The following AGAP1 variants were observed in gnomAD, a reference collection of about 807,000 sequenced individuals.
The protein encoded by AGAP1 is ArfGAP with GTPase domain, ankyrin repeat and PH domain 1.
AGAP1 carries 29 observed loss-of-function variants against 105.3 expected under a neutral mutation model. The observed-to-expected ratio is 0.28, with a 90% CI of 0.21 to 0.38. The LOEUF (loss-of-function observed/expected upper bound fraction) is 0.38, where lower values mean the gene tolerates loss of function less well. Among genes scored for constraint, AGAP1 ranks in the 10% least tolerant of loss-of-function variants. AGAP1 has a pLI of 1.00. For missense variants in AGAP1, 998 were observed against 1,165.1 expected, an observed-to-expected ratio of 0.86 and a Z score of 2.09; for synonymous variants, 509 against 485.9, an observed-to-expected ratio of 1.05 and a Z score of -0.63.
rs1315951431 is a variant in AGAP1 at position 236,078,174 on chromosome 2, G to A, written c.2114+28893G>A. On this transcript the variant is annotated intron_variant, in intron 16 of 17. Transcript: ENST00000304032. The surrounding 1 kb of genome is among the most constrained non-coding windows in gnomAD (Gnocchi z 5.3). ...GCCGGGGGTGTGTGTGTGTGTGTGTGTATATGTATGTGTGTGTGTCACATC... is the reference window on the plus strand; with the variant it reads ...GCCGGGGGTGTGTGTGTGTGTGTGTATATATGTATGTGTGTGTGTCACATC... Among the ~76,000 whole-genome samples the A allele has an allele frequency of 4.0e-5, 6 of 151,448 alleles. No individual in the cohort carries two copies. The highest frequency in any genetic ancestry group is 2.1e-4 in the South Asian group (1 of 4,794).
rs1950221378 is a variant in AGAP1, at chr2:235,700,969, TATATTATA to T, written c.164-8209_164-8202del. Among the ~76,000 whole-genome samples the T allele has an allele frequency of 6.9e-6, 1 of 145,518 alleles. No homozygotes were observed. Among genetic ancestry groups the T allele is most frequent in the East Asian group, 2.0e-4 (1 of 5,110 alleles). Reference sequence around the variant, plus strand: ...TAATATATATATTATGTATTATGTATATATTATATATGTATATATTATATATGCTATAA... The same window carrying T: ...TAATATATATATTATGTATTATGTATTATGTATATATTATATATGCTATAA... On this transcript the variant is annotated intron_variant, in intron 1 of 17. Coordinates refer to ENST00000304032, the MANE Select transcript of AGAP1 (RefSeq NM_001037131.3). The surrounding 1 kb of genome is among the most constrained non-coding windows in gnomAD (Gnocchi z 6.1).
At chr2:235,980,534 A>G (rs559901877) in intron 13 of AGAP1, among the ~76,000 whole-genome samples, 1 of 152,352 alleles carries the variant, frequency 6.6e-6, no homozygotes, top group East Asian at 1.9e-4. Context: ...TTTGCCGCTG[A>G]GCACACATGT....
At chr2:235,857,429 C>T (rs1333476923) in intron 9 of AGAP1, among the ~76,000 whole-genome samples, 5 of 152,276 alleles carry the variant, frequency 3.3e-5, no homozygotes, top group Middle Eastern at 3.4e-3. Flanking sequence ...CTTTGACGAG[C>T]GTCCCCAAGG....
At chr2:235,672,254 ACTGT>A (rs1419070861) in intron 1 of AGAP1, among the ~76,000 whole-genome samples, 1 of 151,026 alleles carries the variant, frequency 6.6e-6, no homozygotes, top group Non-Finnish European at 1.5e-5. Context: ...CAAATAAATG[ACTGT>A]CCTTATGGAA....
At chr2:235,863,739 G>T (rs1018135160) in intron 9 of AGAP1, among the ~76,000 whole-genome samples, 4 of 152,206 alleles carry the variant, frequency 2.6e-5, no homozygotes, top group Non-Finnish European at 5.9e-5. Context: ...GTGTGAGGCG[G>T]GACACCTGGT....
At chr2:235,938,642 G>A (rs1485098096) in intron 12 of AGAP1, among the ~76,000 whole-genome samples, 3 of 152,320 alleles carry the variant, frequency 2.0e-5, no homozygotes, top group East Asian at 1.9e-4. Context: ...CTGCAGAAAC[G>A]CTGTCAAGAC....
At chr2:235,914,872 G>A (rs2051796535) in intron 11 of AGAP1, among the ~76,000 whole-genome samples, 1 of 152,212 alleles carries the variant, frequency 6.6e-6, no homozygotes, top group African/African-American at 2.4e-5. Context: ...ACCCCCAGGA[G>A]AGCATGCATC....
rs559306007 is a variant in AGAP1, at chr2:235,498,275, A to G, written c.163+3426A>G. Among the ~76,000 whole-genome samples, 14 of 151,858 alleles carry G rather than the reference A, an allele frequency of 9.2e-5. No homozygotes were observed. In the South Asian group the frequency reaches 2.7e-3, roughly 29 times the overall value. On this transcript the variant is annotated intron_variant, in intron 1 of 17. Transcript: ENST00000304032. ...AGAAGAGAACAGTTTTTTTCCCCCA[A>G]TTTTTGTTTTGTACATTGAGAGGTT... is the stretch of plus-strand genomic sequence containing the variant.
intron 6 of AGAP1, among the ~76,000 whole-genome samples, chr2:235,781,503 T>C (rs1956260940): frequency 6.6e-6 from 1 of 152,242 alleles, no homozygotes; most frequent in Non-Finnish European, 1.5e-5. Flanking sequence ...TGCTGAATTA[T>C]GGATGTTATG....
intron 1 of AGAP1, among the ~76,000 whole-genome samples, chr2:235,617,052 C>T (rs1465996362): frequency 6.6e-6 from 1 of 151,604 alleles, no homozygotes; most frequent in Non-Finnish European, 1.5e-5. Context: ...TATGAATTTG[C>T]TGTAAAGAAG....
rs535666909 is a variant in AGAP1, at chr2:236,088,839, C to T, written c.2115-31353C>T. On this transcript the variant is annotated intron_variant, in intron 16 of 17. Coordinates refer to ENST00000304032, the MANE Select transcript of AGAP1 (RefSeq NM_001037131.3). Reference sequence around the variant, plus strand: ...ATTCACTGTGTTCCAGAACCTATCACGGTGCACTGCAATACCTCATTCCTC... The same window carrying T: ...ATTCACTGTGTTCCAGAACCTATCATGGTGCACTGCAATACCTCATTCCTC... Among the ~76,000 whole-genome samples, 7 of 152,312 alleles carry T rather than the reference C, an allele frequency of 4.6e-5. 1 individual carries two copies. In the South Asian group the frequency reaches 8.3e-4, roughly 18 times the overall value.
chr2:235,992,737 T>C lies in AGAP1; in HGVS notation c.1645+24114T>C, dbSNP rs991554618. 6.6e-6 allele frequency among the ~76,000 whole-genome samples: 1 copy of C among 152,206 alleles called. No individual in the cohort carries two copies. Among genetic ancestry groups the C allele is most frequent in the Non-Finnish European group, 1.5e-5 (1 of 68,032 alleles). Reference sequence around the variant, plus strand: ...CGTGGCCGCTGAGGTCCTGCACACCTGGGGATGCGTCGTGGGCGCCGAGGA... The same window carrying C: ...CGTGGCCGCTGAGGTCCTGCACACCCGGGGATGCGTCGTGGGCGCCGAGGA... On this transcript the variant is annotated intron_variant, in intron 13 of 17. Coordinates refer to ENST00000304032, the MANE Select transcript of AGAP1 (RefSeq NM_001037131.3). This position sits in a 1 kb window ranked among gnomAD's most constrained non-coding sequence, Gnocchi z 4.8.
At chr2:236,097,195 C>T (rs570970131) in intron 16 of AGAP1, among the ~76,000 whole-genome samples, 3 of 151,952 alleles carry the variant, frequency 2.0e-5, no homozygotes, top group African/African-American at 7.3e-5. Context: ...ATGATCCAAA[C>T]CCATGATAGG....
chr2:235,543,097 T>TCC (rs1165093900), intron 1 of AGAP1, among the ~76,000 whole-genome samples: 1,136 of 66,562 alleles, frequency 0.017, 55 homozygotes, highest in East Asian at 0.039. Flanking sequence ...CTCCTCCCCC[T>TCC]CCCCCCCCCC....
In AGAP1 at chr2:235,557,022, G is replaced by A. The variant is rs538734902; in HGVS notation, c.163+62173G>A. Among the ~76,000 whole-genome samples, 26 of 152,198 alleles carry A rather than the reference G, an allele frequency of 1.7e-4. No homozygotes were observed. The highest frequency in any genetic ancestry group is 5.5e-4 in the African/African-American group (23 of 41,454). ...CAGGGCTTTCTGGAGGTTGGGGGGCGGATCCCGAAGGCAGACTTGGCCTTC... is the reference window on the plus strand; with the variant it reads ...CAGGGCTTTCTGGAGGTTGGGGGGCAGATCCCGAAGGCAGACTTGGCCTTC... On this transcript the variant is annotated intron_variant, in intron 1 of 17. Coordinates refer to ENST00000304032, the MANE Select transcript of AGAP1 (RefSeq NM_001037131.3). The surrounding 1 kb of genome is among the most constrained non-coding windows in gnomAD (Gnocchi z 4.7).
In AGAP1 at chr2:235,733,618, C is replaced by T. The variant is rs921437320; in HGVS notation, c.311-7345C>T. Among the ~76,000 whole-genome samples the T allele has an allele frequency of 6.6e-6, 1 of 152,050 alleles. No homozygotes were observed. Among genetic ancestry groups the T allele is most frequent in the African/African-American group, 2.4e-5 (1 of 41,414 alleles). ...TCTTAACCTGGAGTTTGGCTTTTTT[C>T]TTGTTCTGTGTTCCTTTTGTACCTT... On this transcript the variant is annotated intron_variant, in intron 3 of 17. Transcript: ENST00000304032. The surrounding 1 kb of genome is among the most constrained non-coding windows in gnomAD (Gnocchi z 5.0).
intron 9 of AGAP1, among the ~76,000 whole-genome samples, chr2:235,825,832 C>G (rs909007564): frequency 1.3e-5 from 2 of 152,150 alleles, no homozygotes; most frequent in African/African-American, 4.8e-5. Flanking sequence ...TCAGTAATAA[C>G]TATACATTTA....
At position 236,130,057 on chromosome 2, in the gene AGAP1, C is replaced by T. The variant is rs570616340; in HGVS notation, c.*5935C>T. On this transcript the variant is annotated 3_prime_UTR_variant, in exon 18 of 18. Coordinates refer to ENST00000304032, the MANE Select transcript of AGAP1 (RefSeq NM_001037131.3). This position sits in a 1 kb window ranked among gnomAD's most constrained non-coding sequence, Gnocchi z 5.8. Reference sequence around the variant, plus strand: ...GGGCCTGGAGGTGGGCAGATGGGGCCAGAGTGGCCAGCAGAGACTTGCATG... The same window carrying T: ...GGGCCTGGAGGTGGGCAGATGGGGCTAGAGTGGCCAGCAGAGACTTGCATG... The T allele has an allele frequency of 1.0e-4, 16 of 152,400 alleles. No homozygotes were observed. The highest frequency in any genetic ancestry group is 3.6e-4 in the African/African-American group (15 of 41,548). 9.4% of individuals were successfully genotyped at this position (152,400 alleles called of 1,614,324 possible).
Position 235,551,476 on chromosome 2 carries a change from T to TC in AGAP1, c.163+56627_163+56628insC, listed in dbSNP as rs1168658494. 6.6e-6 allele frequency among the ~76,000 whole-genome samples: 1 copy of TC among 151,862 alleles called. No individual in the cohort carries two copies. Among genetic ancestry groups the TC allele is most frequent in the East Asian group, 1.9e-4 (1 of 5,136 alleles). ...GCGCAGCACCACACCTGGCTGATTT[T>TC]TTTTGTAGAGACGGGTCGTCCAGTG... is the stretch of plus-strand genomic sequence containing the variant. On this transcript the variant is annotated intron_variant, in intron 1 of 17. Coordinates refer to ENST00000304032, the MANE Select transcript of AGAP1 (RefSeq NM_001037131.3). The surrounding 1 kb of genome is among the most constrained non-coding windows in gnomAD (Gnocchi z 4.8).
Sources: allele counts gnomAD v4.1 joint callset (sites outside exome capture counted in the v4.1 genomes callset), GRCh38; gene constraint gnomAD v4.1.1; non-coding constraint Gnocchi (gnomAD v3.1); transcripts MANE v1.5; gene names NCBI Gene and HGNC (gene_info 2026-07-23, HGNC 2026-07-21).